The following NKAIN2 variants were observed in gnomAD, a reference collection of about 807,000 sequenced individuals.
The protein encoded by NKAIN2 is sodium/potassium transporting ATPase interacting 2.
NKAIN2 carries 14 observed loss-of-function variants against 32.6 expected under a neutral mutation model. The observed-to-expected ratio is 0.43, with a 90% CI of 0.28 to 0.67. The LOEUF is 0.67. NKAIN2 is among the 30% of genes least tolerant of loss of function. NKAIN2 has a pLI of 0.17. For synonymous variants in NKAIN2, 80 were observed against 87.2 expected (o/e 0.92, Z 0.46); for missense variants, 198 against 258.3 (o/e 0.77, Z 1.60).
In NKAIN2 at chr6:123,914,614, C is replaced by T. The variant is rs1582770274; in HGVS notation, c.54+110360C>T. Among the ~76,000 whole-genome samples the T allele has an allele frequency of 3.3e-5, 5 of 152,208 alleles. 1 individual carries two copies. Among genetic ancestry groups the T allele is most frequent in the Admixed American group, 3.3e-4 (5 of 15,274 alleles). ...CAGTTTACAGAAGAGGCAATTGAGA[C>T]ACTGAGGGTTTGGTGATTTGCTGGA... On this transcript the variant is annotated intron_variant, in intron 1 of 6. Transcript: ENST00000368417.
intron 3 of NKAIN2, among the ~76,000 whole-genome samples, chr6:124,448,181 C>T (rs1218483385): frequency 6.6e-6 from 1 of 152,048 alleles, no homozygotes; most frequent in Non-Finnish European, 1.5e-5. Context: ...TAAATTATCT[C>T]TAAGGACACT....
At chr6:124,321,938 A>T (rs1025870857) in intron 2 of NKAIN2, among the ~76,000 whole-genome samples, 3 of 152,210 alleles carry the variant, frequency 2.0e-5, no homozygotes, top group Non-Finnish European at 4.4e-5. Context: ...TAGGAATACC[A>T]TAAGTACATT....
chr6:124,597,204 T>TA (rs942372188), intron 3 of NKAIN2, among the ~76,000 whole-genome samples: 14 of 152,116 alleles, frequency 9.2e-5, no homozygotes, highest in African/African-American at 3.4e-4. Flanking sequence ...CACATAAAAT[T>TA]AATCATTGCA....
At chr6:124,530,790 C>T (rs1427416630) in intron 3 of NKAIN2, among the ~76,000 whole-genome samples, 6 of 152,180 alleles carry the variant, frequency 3.9e-5, no homozygotes, top group Middle Eastern at 3.4e-3. Flanking sequence ...TAGGGCAGGT[C>T]GCTGTTATAA....
At chr6:123,958,445 T>G (rs541482343) in intron 1 of NKAIN2, among the ~76,000 whole-genome samples, 1 of 152,192 alleles carries the variant, frequency 6.6e-6, no homozygotes, top group South Asian at 2.1e-4. Flanking sequence ...CTTCATGGAG[T>G]AGTTAATGTT....
At chr6:124,418,977 G>A in intron 3 of NKAIN2, among the ~76,000 whole-genome samples, 1 of 152,110 alleles carries the variant, frequency 6.6e-6, no homozygotes, top group East Asian at 1.9e-4. Flanking sequence ...TTTGGCCTAA[G>A]AAGGGTAATG....
chr6:123,853,440 C>A (rs993454255), intron 1 of NKAIN2, among the ~76,000 whole-genome samples: 1 of 152,122 alleles, frequency 6.6e-6, no homozygotes, highest in Non-Finnish European at 1.5e-5. Flanking sequence ...GAGAATTAGA[C>A]CTGACATTTC....
At chr6:124,543,742 A>C (rs1252041424) in intron 3 of NKAIN2, among the ~76,000 whole-genome samples, 1 of 152,168 alleles carries the variant, frequency 6.6e-6, no homozygotes, top group Non-Finnish European at 1.5e-5. Flanking sequence ...TATAAGTGGA[A>C]AACCACAGAC....
chr6:124,626,648 G>A lies in NKAIN2; in HGVS notation c.274-31538G>A, dbSNP rs17052186. On this transcript the variant is annotated intron_variant, in intron 3 of 6. Coordinates refer to ENST00000368417, the MANE Select transcript of NKAIN2 (RefSeq NM_001040214.3). ...ACTGATATCAAGACAACTGAAAGCCGCCCTCTATTATTCTGTGAAATGCAG... is the reference window on the plus strand; with the variant it reads ...ACTGATATCAAGACAACTGAAAGCCACCCTCTATTATTCTGTGAAATGCAG... Among the ~76,000 whole-genome samples, 634 of 152,162 alleles carry A rather than the reference G, an allele frequency of 4.2e-3. 1 individual carries two copies. Among genetic ancestry groups the A allele is most frequent in the African/African-American group, 6.7e-3 (278 of 41,530 alleles).
Position 123,965,124 on chromosome 6 carries a change from C to A in NKAIN2, c.54+160870C>A, listed in dbSNP as rs182326783. 5.0e-4 allele frequency among the ~76,000 whole-genome samples: 76 copies of A among 152,094 alleles called. 1 individual carries two copies. The highest frequency in any genetic ancestry group is 2.8e-3 in the Admixed American group (42 of 15,260). ...CATGAGTGCCCTTTTTTTGAGACAT[C>A]CATCCACCCCCTGGCACTGAAACTT... is the stretch of plus-strand genomic sequence containing the variant. On this transcript the variant is annotated intron_variant, in intron 1 of 6. Coordinates refer to ENST00000368417, the MANE Select transcript of NKAIN2 (RefSeq NM_001040214.3).
chr6:124,104,135 G>A (rs986679706), intron 1 of NKAIN2, among the ~76,000 whole-genome samples: 6 of 151,976 alleles, frequency 3.9e-5, no homozygotes, highest in Admixed American at 2.0e-4. Flanking sequence ...TCTGAACCTG[G>A]TTCTTTACCT....
chr6:124,009,048 A>T (rs1028766237), intron 1 of NKAIN2, among the ~76,000 whole-genome samples: 2 of 152,210 alleles, frequency 1.3e-5, no homozygotes, highest in Non-Finnish European at 2.9e-5. Flanking sequence ...AATGAAATAG[A>T]TCACTGGGCT....
At chr6:124,181,524 T>G (rs2114544878) in intron 1 of NKAIN2, among the ~76,000 whole-genome samples, 1 of 152,172 alleles carries the variant, frequency 6.6e-6, no homozygotes, top group Non-Finnish European at 1.5e-5. Flanking sequence ...AAGTTCCAAT[T>G]CCAAACCATA....
At position 123,934,633 on chromosome 6, in the gene NKAIN2, G is replaced by C. The variant is rs573325618; in HGVS notation, c.54+130379G>C. Among the ~76,000 whole-genome samples the C allele has an allele frequency of 7.2e-4, 109 of 152,140 alleles. 1 individual carries two copies. The highest frequency in any genetic ancestry group is 2.9e-3 in the Admixed American group (45 of 15,274). Reference sequence around the variant, plus strand: ...GGCCATGCTAGGATCTAAGAGTTATGATAGTTCCTAGAAAATCTTAAGGAA... The same window carrying C: ...GGCCATGCTAGGATCTAAGAGTTATCATAGTTCCTAGAAAATCTTAAGGAA... On this transcript the variant is annotated intron_variant, in intron 1 of 6. Transcript: ENST00000368417.
intron 1 of NKAIN2, among the ~76,000 whole-genome samples, chr6:123,893,552 T>G (rs1057328892): frequency 2.6e-5 from 4 of 152,198 alleles, no homozygotes; most frequent in African/African-American, 9.6e-5. Context: ...TCTCTGGTCT[T>G]GTTGATCCAC....
intron 4 of NKAIN2, among the ~76,000 whole-genome samples, chr6:124,710,094 T>G (rs1344679736): frequency 1.3e-5 from 2 of 151,552 alleles, no homozygotes; most frequent in Non-Finnish European, 3.0e-5. Flanking sequence ...ATGTACCCAG[T>G]AGTCATTCAG....
At chr6:124,736,981 A>G (rs747671198) in intron 4 of NKAIN2, among the ~76,000 whole-genome samples, 4 of 152,092 alleles carry the variant, frequency 2.6e-5, no homozygotes, top group South Asian at 2.1e-4. Flanking sequence ...TAGGCAAAGT[A>G]AATTGAAAAC....
intron 1 of NKAIN2, among the ~76,000 whole-genome samples, chr6:124,167,378 G>A (rs1340544403): frequency 6.6e-6 from 1 of 152,056 alleles, no homozygotes; most frequent in Non-Finnish European, 1.5e-5. Flanking sequence ...TGTATCCTGA[G>A]ACATTGCTGA....
chr6:124,428,241 T>C (rs1775066301), intron 3 of NKAIN2, among the ~76,000 whole-genome samples: 1 of 152,186 alleles, frequency 6.6e-6, no homozygotes, highest in Admixed American at 6.5e-5. Context: ...TTTTTAAACA[T>C]AGCTTTTCAT....
Sources: gnomAD v4.1 joint callset for allele counts (sites outside exome capture counted in the v4.1 genomes callset) on GRCh38, gnomAD v4.1.1 for gene constraint, MANE v1.5 for transcripts, NCBI Gene and HGNC (gene_info 2026-07-23, HGNC 2026-07-21) for gene names.